Variants in FAM107B observed in about 807,000 individuals in gnomAD.
FAM107B encodes family with sequence similarity 107 member B.
FAM107B carries 21 observed loss-of-function variants against 31.5 expected under a neutral mutation model. The observed-to-expected ratio is 0.67, with a 90% CI of 0.47 to 0.96. The LOEUF is 0.96. Among genes scored for constraint, FAM107B ranks in the 40% least tolerant of loss-of-function variants. FAM107B has a pLI of 0.00. For synonymous variants in FAM107B, 157 were observed against 141.5 expected (o/e 1.11, Z -0.78); for missense variants, 452 against 377.1 (o/e 1.20, Z -1.64).
chr10:14,569,449 T>C (rs1458425291), intron 2 of FAM107B, among the ~76,000 whole-genome samples: 2 of 145,536 alleles, frequency 1.4e-5, no homozygotes, highest in East Asian at 2.3e-4. Flanking sequence ...TACGTTAAGA[T>C]CATAACATGT....
intron 1 of FAM107B, among the ~76,000 whole-genome samples, chr10:14,730,703 A>C (rs1856153359): frequency 6.6e-6 from 1 of 152,242 alleles, no homozygotes; most frequent in Non-Finnish European, 1.5e-5. Context: ...GATTGTGCGG[A>C]GGCTACTGCA....
rs1845394901 is a variant in FAM107B at position 14,519,117 on chromosome 10, A to C, written c.*2073T>G. On this transcript the variant is annotated 3_prime_UTR_variant, in exon 5 of 5. Coordinates refer to ENST00000181796, the MANE Select transcript of FAM107B (RefSeq NM_031453.4). ...TATTACTAATTACAAATAATTCTGC[A>C]GATTTGAGTGAGATTAGGAAAGAAA... 6.6e-6 allele frequency: 1 copy of C among 152,174 alleles called. No individual in the cohort carries two copies. The highest frequency in any genetic ancestry group is 2.4e-5 in the African/African-American group (1 of 41,426). The allele number at this position is 152,174 out of a possible 1,614,324, so 9.4% of individuals were successfully genotyped here.
In FAM107B at chr10:14,667,691, C is replaced by T. The variant is rs1452109108; in HGVS notation, c.412G>A (p.Glu138Lys). ...PRPSIIDTPK[E>K]EEFREEPKCL... Reference sequence around the variant, plus strand: ...TTAGGTTCTTCTCGAAATTCTTCTTCCTAAGCGCCAGCCCCATAAACCAGA... The same window carrying T: ...TTAGGTTCTTCTCGAAATTCTTCTTTCTAAGCGCCAGCCCCATAAACCAGA... Residue 138 changes from glutamate (E) to lysine (K), a missense_variant and splice_region_variant, in exon 2 of 5, where the codon GAA (glutamate) becomes AAA (lysine). Coordinates refer to ENST00000181796, the MANE Select transcript of FAM107B (RefSeq NM_031453.4). The T allele has an allele frequency of 6.2e-7, 1 of 1,614,116 alleles. No individual in the cohort carries two copies. Among genetic ancestry groups the T allele is most frequent in the Admixed American group, 1.7e-5 (1 of 60,010 alleles).
chr10:14,633,233 C>G (rs1191216118), intron 2 of FAM107B, among the ~76,000 whole-genome samples: 1 of 151,594 alleles, frequency 6.6e-6, no homozygotes, highest in Non-Finnish European at 1.5e-5. Flanking sequence ...GTCAAAAGCA[C>G]TTCACTGAGT....
intron 2 of FAM107B, among the ~76,000 whole-genome samples, chr10:14,632,669 A>C (rs184878428): frequency 3.9e-4 from 59 of 152,210 alleles, no homozygotes; most frequent in Middle Eastern, 3.4e-3. Context: ...TTACGTAAAG[A>C]AACCCAAAAG....
At chr10:14,762,754 T>TCACACACACACA (rs35574582) in intron 1 of FAM107B, among the ~76,000 whole-genome samples, 10 of 116,238 alleles carry the variant, frequency 8.6e-5, no homozygotes, top group East Asian at 3.2e-4. Context: ...AAACTCTGTC[T>TCACACACACACA]CACACACACA....
chr10:14,708,600 A>G (rs1855571709), intron 1 of FAM107B, among the ~76,000 whole-genome samples: 1 of 152,120 alleles, frequency 6.6e-6, no homozygotes, highest in Non-Finnish European at 1.5e-5. Flanking sequence ...ATCTTAACCC[A>G]GTGGTATGTC....
intron 2 of FAM107B, among the ~76,000 whole-genome samples, chr10:14,614,010 A>G (rs1427633517): frequency 6.6e-6 from 1 of 152,174 alleles, no homozygotes; most frequent in Non-Finnish European, 1.5e-5. Context: ...GGGCGCCTGT[A>G]GTCCCAGCTA....
chr10:14,532,163 GAC>G (rs1203750690), intron 2 of FAM107B, among the ~76,000 whole-genome samples: 13 of 152,120 alleles, frequency 8.5e-5, no homozygotes, highest in African/African-American at 2.4e-4. Context: ...GCTGGCCTGT[GAC>G]ACTGCTCACT....
intron 1 of FAM107B, among the ~76,000 whole-genome samples, chr10:14,670,960 T>C (rs1411059077): frequency 6.6e-6 from 1 of 152,226 alleles, no homozygotes; most frequent in African/African-American, 2.4e-5. Context: ...CCAGCAAAGC[T>C]AGAATAAAAT....
chr10:14,715,703 G>C (rs1488464503), intron 1 of FAM107B, among the ~76,000 whole-genome samples: 1 of 152,180 alleles, frequency 6.6e-6, no homozygotes. Context: ...CTCTTCTTGA[G>C]CTAGGACATC....
intron 1 of FAM107B, among the ~76,000 whole-genome samples, chr10:14,691,802 G>A (rs1003575168): frequency 2.7e-5 from 4 of 150,214 alleles, no homozygotes; most frequent in African/African-American, 7.4e-5. Flanking sequence ...GCTGAGGCAG[G>A]AGAATTGCTT....
At chr10:14,659,986 A>G (rs888171532) in intron 2 of FAM107B, among the ~76,000 whole-genome samples, 8 of 152,204 alleles carry the variant, frequency 5.3e-5, no homozygotes, top group African/African-American at 1.9e-4. Context: ...TAAGAAATCT[A>G]CAAACCACAG....
chr10:14,762,961 C>G (rs901743810), intron 1 of FAM107B, among the ~76,000 whole-genome samples: 12 of 152,160 alleles, frequency 7.9e-5, no homozygotes, highest in Non-Finnish European at 1.6e-4. Flanking sequence ...ATGCAATGAG[C>G]TACTATTTAA....
chr10:14,604,881 TTC>T (rs1202076049), intron 2 of FAM107B, among the ~76,000 whole-genome samples: 1 of 152,092 alleles, frequency 6.6e-6, no homozygotes, highest in African/African-American at 2.4e-5. Context: ...CTTTCATTCT[TTC>T]TCTCTCCTCT....
intron 1 of FAM107B, among the ~76,000 whole-genome samples, chr10:14,739,079 T>A (rs1030624018): frequency 2.2e-4 from 34 of 152,342 alleles, no homozygotes; most frequent in African/African-American, 7.9e-4. Context: ...ATATTCATAC[T>A]TCTAACATGG....
chr10:14,751,419 G>T (rs1284705188), intron 1 of FAM107B, among the ~76,000 whole-genome samples: 3 of 152,150 alleles, frequency 2.0e-5, no homozygotes, highest in Non-Finnish European at 2.9e-5. Flanking sequence ...ACTGAGAAGG[G>T]GAGTCTGAAA....
chr10:14,601,148 G>A (rs942148716), intron 2 of FAM107B, among the ~76,000 whole-genome samples: 5 of 152,220 alleles, frequency 3.3e-5, no homozygotes, highest in East Asian at 1.9e-4. Flanking sequence ...GACGGGCACT[G>A]AATGTCTGGT....
chr10:14,669,455 G>A (rs1854490762), intron 1 of FAM107B, among the ~76,000 whole-genome samples: 1 of 150,774 alleles, frequency 6.6e-6, no homozygotes, highest in South Asian at 2.1e-4. Flanking sequence ...ATATTTATTT[G>A]AGCACTATTC....
Sources: gnomAD v4.1 joint callset for allele counts (sites outside exome capture counted in the v4.1 genomes callset) on GRCh38, gnomAD v4.1.1 for gene constraint, MANE v1.5 for transcripts, NCBI Gene and HGNC (gene_info 2026-07-23, HGNC 2026-07-21) for gene names.